The following CNTNAP2 variants were observed in gnomAD, a reference collection of about 807,000 sequenced individuals.
The protein encoded by CNTNAP2 is contactin-associated protein-like 2.
Under a neutral mutation model 155.2 loss-of-function variants are expected in CNTNAP2, and 98 were observed. The observed-to-expected ratio is 0.63, with a 90% CI of 0.54 to 0.75. CNTNAP2 has a LOEUF of 0.75. Among genes scored for constraint, CNTNAP2 ranks in the 30% least tolerant of loss-of-function variants. The pLI is 0.00. For synonymous variants in CNTNAP2, 651 were observed against 631.2 expected (o/e 1.03, Z -0.47); for missense variants, 1,727 against 1,688.1 (o/e 1.02, Z -0.40).
intron 11 of CNTNAP2, 94 bp from the exon 12 acceptor site, chr7:147,562,044 T>C (rs1394793954): frequency 1.3e-6 from 2 of 1,494,278 alleles, no homozygotes; most frequent in African/African-American, 2.8e-5. Context: ...TCCTAACTAG[T>C]GGTTTGCTAG....
intron 1 of CNTNAP2, among the ~76,000 whole-genome samples, chr7:146,553,921 T>G (rs188094984): frequency 6.7e-4 from 102 of 152,330 alleles, no homozygotes; most frequent in African/African-American, 2.3e-3. Flanking sequence ...GATGTGATTT[T>G]TTCTTTTTTA....
At chr7:146,861,921 T>C (rs547847795) in intron 3 of CNTNAP2, among the ~76,000 whole-genome samples, 10 of 152,310 alleles carry the variant, frequency 6.6e-5, no homozygotes, top group African/African-American at 2.2e-4. Flanking sequence ...CCTCTGGGCA[T>C]TGGATTTGGA....
intron 2 of CNTNAP2, among the ~76,000 whole-genome samples, chr7:146,818,401 A>G (rs1803215468): frequency 6.6e-6 from 1 of 152,160 alleles, no homozygotes; most frequent in Non-Finnish European, 1.5e-5. Flanking sequence ...AGGCCAAAGT[A>G]TTTTGCATAC....
At chr7:146,976,026 T>C (rs1197088567) in intron 3 of CNTNAP2, among the ~76,000 whole-genome samples, 1 of 152,178 alleles carries the variant, frequency 6.6e-6, no homozygotes, top group Non-Finnish European at 1.5e-5. Context: ...TGAGGCATCA[T>C]TGTGGACACA....
At chr7:148,028,635 G>T (rs539344856) in intron 15 of CNTNAP2, among the ~76,000 whole-genome samples, 3 of 152,282 alleles carry the variant, frequency 2.0e-5, no homozygotes, top group South Asian at 4.1e-4. Context: ...AGCATTCTGT[G>T]TAGGGAGAAT....
chr7:146,380,163 C>T (rs1309509965), intron 1 of CNTNAP2, among the ~76,000 whole-genome samples: 1 of 152,146 alleles, frequency 6.6e-6, no homozygotes, highest in African/African-American at 2.4e-5. Flanking sequence ...CAATCAGTCT[C>T]ATAATGATTT....
At chr7:146,238,697 C>T (rs891783102) in intron 1 of CNTNAP2, among the ~76,000 whole-genome samples, 3 of 152,190 alleles carry the variant, frequency 2.0e-5, no homozygotes, top group Non-Finnish European at 4.4e-5. Context: ...TGAAGAAATA[C>T]CTATGACTGG....
chr7:147,738,326 A>C (rs1222354664), intron 13 of CNTNAP2, among the ~76,000 whole-genome samples: 2 of 152,070 alleles, frequency 1.3e-5, no homozygotes, highest in Admixed American at 1.3e-4. Context: ...TTCTACTCTG[A>C]GTAAAATGCT....
intron 8 of CNTNAP2, 121 bp downstream of exon 8, chr7:147,132,630 C>G: frequency 7.6e-7 from 1 of 1,312,942 alleles, no homozygotes; most frequent in African/African-American, 1.5e-5. Flanking sequence ...TTCAGATCTT[C>G]AAGACGCTTA....
At chr7:147,172,051 A>G (rs1437474696) in intron 8 of CNTNAP2, among the ~76,000 whole-genome samples, 1 of 152,228 alleles carries the variant, frequency 6.6e-6, no homozygotes, top group Non-Finnish European at 1.5e-5. Context: ...CTCTCTGGAT[A>G]TGATCTTCAC....
intron 4 of CNTNAP2, among the ~76,000 whole-genome samples, chr7:147,059,018 T>A (rs552836885): frequency 6.6e-6 from 1 of 152,326 alleles, no homozygotes. Context: ...ATACCACTCC[T>A]TGGTGATGTG....
intron 9 of CNTNAP2, among the ~76,000 whole-genome samples, chr7:147,319,682 G>A (rs1297636247): frequency 6.6e-6 from 1 of 151,980 alleles, no homozygotes; most frequent in African/African-American, 2.4e-5. Flanking sequence ...CCAGAAATGA[G>A]TAATGTTAAA....
At chr7:148,393,367 G>T (rs895907632) in intron 22 of CNTNAP2, among the ~76,000 whole-genome samples, 1 of 151,968 alleles carries the variant, frequency 6.6e-6, no homozygotes, top group Admixed American at 6.6e-5. Context: ...ACACTTAATC[G>T]TGTGAAGAAA....
intron 1 of CNTNAP2, among the ~76,000 whole-genome samples, chr7:146,185,921 A>G (rs995450540): frequency 1.3e-5 from 2 of 152,224 alleles, no homozygotes; most frequent in East Asian, 3.9e-4. Context: ...TTAAGATAAA[A>G]GTCAGTAATT....
intron 18 of CNTNAP2, among the ~76,000 whole-genome samples, chr7:148,175,576 T>A (rs1222042980): frequency 6.6e-6 from 1 of 152,164 alleles, no homozygotes; most frequent in East Asian, 1.9e-4. Context: ...ACCCTTCAGA[T>A]GGGCATCGGA....
chr7:147,689,443 C>T (rs1796058784), intron 13 of CNTNAP2, among the ~76,000 whole-genome samples: 1 of 152,112 alleles, frequency 6.6e-6, no homozygotes, highest in African/African-American at 2.4e-5. Context: ...GCCACTATGC[C>T]CGGTCTCATA....
At chr7:147,286,509 A>C (rs1050618430) in intron 8 of CNTNAP2, among the ~76,000 whole-genome samples, 1 of 152,080 alleles carries the variant, frequency 6.6e-6, no homozygotes, top group Non-Finnish European at 1.5e-5. Flanking sequence ...GAACGTAAGA[A>C]AAATAATCTG....
At chr7:146,574,311 CAT>C (rs1798489161) in intron 1 of CNTNAP2, among the ~76,000 whole-genome samples, 1 of 152,190 alleles carries the variant, frequency 6.6e-6, no homozygotes, top group South Asian at 2.1e-4. Flanking sequence ...TTCACGCACA[CAT>C]AGAGCAAAAT....
chr7:146,737,070 C>T (rs186143029), intron 1 of CNTNAP2, among the ~76,000 whole-genome samples: 99 of 152,076 alleles, frequency 6.5e-4, no homozygotes, highest in African/African-American at 2.2e-3. Flanking sequence ...TTATTATTTA[C>T]GTGATACTTC....
Sources: gnomAD v4.1 joint callset for allele counts (sites outside exome capture counted in the v4.1 genomes callset) on GRCh38, gnomAD v4.1.1 for gene constraint, MANE v1.5 for transcripts, NCBI Gene and HGNC (gene_info 2026-07-23, HGNC 2026-07-21) for gene names.